The following SHQ1 variants were observed in gnomAD, a reference collection of about 807,000 sequenced individuals.
The protein encoded by SHQ1 is SHQ1, H/ACA ribonucleoprotein assembly factor.
In SHQ1, 49 loss-of-function variants were observed where a neutral mutation model predicts 53.8. The ratio of observed to expected loss-of-function variants is 0.91; its 90% CI spans 0.72 to 1.16. The LOEUF is 1.16. Ranked by LOEUF, SHQ1 falls within the 50% of genes most tolerant of loss-of-function variation. The pLI, the probability that SHQ1 is intolerant of heterozygous loss-of-function variation, is 0.00. For missense variants in SHQ1, 738 were observed against 683.1 expected (o/e 1.08, Z -0.90); for synonymous variants, 243 against 251.0 (o/e 0.97, Z 0.30).
At chr3:72,725,977 C>T in the SHQ1 span, among the ~76,000 whole-genome samples, 7 of 152,122 alleles carry the variant, frequency 4.6e-5, no homozygotes, top group Non-Finnish European at 8.8e-5. Context: ...GGGCTAATAA[C>T]GTAATATGAT....
chr3:72,773,394 T>A (rs1189432572), intron 10 of SHQ1: 17 of 463,008 alleles, frequency 3.7e-5, no homozygotes, highest in Non-Finnish European at 1.3e-5. Flanking sequence ...TCAGCCTATC[T>A]CACAGTAGCA....
At chr3:72,790,159 G>T (rs770234842) in intron 10 of SHQ1, among the ~76,000 whole-genome samples, 1 of 150,834 alleles carries the variant, frequency 6.6e-6, no homozygotes, top group Non-Finnish European at 1.5e-5. Flanking sequence ...AGAATGAGAG[G>T]CCAGGAGCTT....
the SHQ1 span, among the ~76,000 whole-genome samples, chr3:72,729,703 A>G: frequency 2.6e-5 from 4 of 152,252 alleles, no homozygotes. Flanking sequence ...TGCATGAGAA[A>G]GCACAGCCAA....
At position 72,847,404 on chromosome 3, in the gene SHQ1, C is replaced by A. The variant is rs116123039; in HGVS notation, c.143+794G>T. Among the ~76,000 whole-genome samples, 1,318 of 152,164 alleles carry A rather than the reference C, an allele frequency of 8.7e-3. 26 individuals carry two copies. The highest frequency in any genetic ancestry group is 0.029 in the African/African-American group (1,198 of 41,508). On this transcript the variant is annotated intron_variant, in intron 1 of 10. Transcript: ENST00000325599. ...ATACTTTAGGATGAATATGTAGCAG[C>A]GGGTTCTGTGGAATGGGGTTAATAG... is the stretch of plus-strand genomic sequence containing the variant.
intron 2 of SHQ1, among the ~76,000 whole-genome samples, chr3:72,843,747 C>T (rs1307267962): frequency 6.6e-6 from 1 of 151,480 alleles, no homozygotes; most frequent in African/African-American, 2.4e-5. Flanking sequence ...TTTAACCCAC[C>T]CCCCCATACC....
chr3:72,784,165 T>TAA (rs74266966), intron 10 of SHQ1, among the ~76,000 whole-genome samples: 1 of 145,616 alleles, frequency 6.9e-6, no homozygotes, highest in East Asian at 2.0e-4. Context: ...AATTACAAAT[T>TAA]AAAAAAAAAA....
chr3:72,842,655 T>C (rs1295535953), intron 2 of SHQ1, among the ~76,000 whole-genome samples: 1 of 152,160 alleles, frequency 6.6e-6, no homozygotes, highest in Non-Finnish European at 1.5e-5. Flanking sequence ...GAGAAATACA[T>C]GTCTTGGTAA....
intron 5 of SHQ1, among the ~76,000 whole-genome samples, chr3:72,828,284 C>T (rs533101239): frequency 6.6e-6 from 1 of 152,172 alleles, no homozygotes; most frequent in Non-Finnish European, 1.5e-5. Flanking sequence ...TCTAACAGGG[C>T]AAGTGCATGG....
chr3:72,793,066 T>A, intron 9 of SHQ1, 30 bp from the exon 10 acceptor site: 1 of 1,569,828 alleles, frequency 6.4e-7, no homozygotes, highest in Non-Finnish European at 8.7e-7. Context: ...CATAAAATTA[T>A]CCTTAAGAAA....
chr3:72,782,523 C>T lies in SHQ1; in HGVS notation c.1181+10393G>A, dbSNP rs149240014. Among the ~76,000 whole-genome samples, 400 of 152,234 alleles carry T rather than the reference C, an allele frequency of 2.6e-3. 1 individual carries two copies. The highest frequency in any genetic ancestry group is 9.3e-3 in the African/African-American group (385 of 41,528). On this transcript the variant is annotated intron_variant, in intron 10 of 10. Transcript: ENST00000325599. ...TATTTATTAAAGAAAGTAGTCAGAG[C>T]AGGAAATGGGACAAGTCAAATGATC...
At chr3:72,805,672 T>A (rs1045037581) in intron 9 of SHQ1, among the ~76,000 whole-genome samples, 1 of 151,824 alleles carries the variant, frequency 6.6e-6, no homozygotes. Flanking sequence ...TTAAATTGTA[T>A]GTAATATTTA....
chr3:72,791,352 A>C (rs1706429042), intron 10 of SHQ1, among the ~76,000 whole-genome samples: 1 of 152,170 alleles, frequency 6.6e-6, no homozygotes, highest in African/African-American at 2.4e-5. Context: ...TTAAACATTC[A>C]ATTTTCCATC....
At chr3:72,738,465 CTG>C in the SHQ1 span, among the ~76,000 whole-genome samples, 1 of 152,070 alleles carries the variant, frequency 6.6e-6, no homozygotes. Flanking sequence ...AACAGAAATA[CTG>C]TGTTATTGGC....
chr3:72,839,620 T>C (rs903568296), intron 4 of SHQ1, among the ~76,000 whole-genome samples: 29 of 152,188 alleles, frequency 1.9e-4, no homozygotes, highest in African/African-American at 6.8e-4. Flanking sequence ...GAGACAAAAC[T>C]TACTTGTGGT....
intron 10 of SHQ1, among the ~76,000 whole-genome samples, chr3:72,768,133 A>G (rs1705771396): frequency 6.6e-6 from 1 of 152,206 alleles, no homozygotes; most frequent in South Asian, 2.1e-4. Context: ...TTAAAAAGGC[A>G]GCAGCAATGA....
chr3:72,848,385 G>T lies in SHQ1; in HGVS notation c.-45C>A, dbSNP rs756148562. The T allele has an allele frequency of 6.2e-7, 1 of 1,606,356 alleles. No individual in the cohort carries two copies. ...GCCGGCGCCGCTCGCTCTCACTGCC[G>T]CCGCGTTCCCGCCACGCAAACTCTC... On this transcript the variant is annotated 5_prime_UTR_variant, in exon 1 of 11. Coordinates refer to ENST00000325599, the MANE Select transcript of SHQ1 (RefSeq NM_018130.3).
chr3:72,789,780 G>A (rs1238226226), intron 10 of SHQ1, among the ~76,000 whole-genome samples: 1 of 152,210 alleles, frequency 6.6e-6, no homozygotes. Flanking sequence ...GCAGGCATGA[G>A]AGGTGCCCAA....
chr3:72,830,752 T>A (rs1707799717), intron 5 of SHQ1, among the ~76,000 whole-genome samples: 1 of 152,182 alleles, frequency 6.6e-6, no homozygotes, highest in Non-Finnish European at 1.5e-5. Flanking sequence ...TAAGAACAGT[T>A]CTTTGAGAAG....
chr3:72,735,038 T>G, the SHQ1 span, among the ~76,000 whole-genome samples: 65 of 151,728 alleles, frequency 4.3e-4, no homozygotes, highest in Middle Eastern at 6.8e-3. Context: ...CTTGTTTAAG[T>G]GTTGGTGTTC....
Sources: allele counts gnomAD v4.1 joint callset (sites outside exome capture counted in the v4.1 genomes callset), GRCh38; gene constraint gnomAD v4.1.1; transcripts MANE v1.5; gene names NCBI Gene and HGNC (gene_info 2026-07-23, HGNC 2026-07-21).